Variants in UNC13C observed in about 807,000 individuals in gnomAD.
UNC13C encodes unc-13 homolog C, also known as protein unc-13 homolog C.
A neutral mutation model predicts 245.4 loss-of-function variants in UNC13C; 174 were observed. The ratio of observed to expected loss-of-function variants is 0.71; its 90% CI spans 0.63 to 0.80. The LOEUF is 0.80. UNC13C is among the 30% of genes least tolerant of loss of function. The pLI, the probability that UNC13C is intolerant of heterozygous loss-of-function variation, is 0.00. For missense variants in UNC13C, 2,829 were observed against 2,602.9 expected, an observed-to-expected ratio of 1.09 and a Z score of -1.89; for synonymous variants, 992 against 895.1, an observed-to-expected ratio of 1.11 and a Z score of -1.93.
chr15:54,247,812 G>A (rs1372715415), intron 7 of UNC13C, among the ~76,000 whole-genome samples: 2 of 151,082 alleles, frequency 1.3e-5, no homozygotes, highest in African/African-American at 4.9e-5. Context: ...CCCTTTACAT[G>A]AAATGAATTA....
rs143377672 is a variant in UNC13C at position 54,500,265 on chromosome 15, TATTA to T, written c.5157+94_5157+97del. 3.8e-3 allele frequency: 3,717 copies of T among 968,974 alleles called. 68 individuals are homozygous for T. The African/African-American group carries it at 0.05, about 13-fold the overall frequency. The allele number at this position is 968,974 out of a possible 1,614,324, so 60.0% of individuals were successfully genotyped here. A position where few individuals can be genotyped will look rare whatever the true frequency, so the allele number is the denominator to read the frequency against. On this transcript the variant is annotated intron_variant, in intron 21 of 32. Transcript: ENST00000260323. ...TAATGGGAATTATTAGACTCATTGT[TATTA>T]ATTGTTTCCATTCCCCAGTGACCAA...
chr15:53,875,018 G>C, the UNC13C span, among the ~76,000 whole-genome samples: 1 of 152,060 alleles, frequency 6.6e-6, no homozygotes, highest in South Asian at 2.1e-4. Context: ...GCATGAACCC[G>C]GGAGGTGGAG....
chr15:54,511,942 A>G (rs1894764933), intron 24 of UNC13C, 112 bp downstream of exon 24: 2 of 719,762 alleles, frequency 2.8e-6, no homozygotes, highest in South Asian at 3.3e-5. Context: ...AACTAAGAAC[A>G]GGAAATGATA....
At chr15:54,486,667 G>C (rs1893433357) in intron 19 of UNC13C, among the ~76,000 whole-genome samples, 1 of 152,102 alleles carries the variant, frequency 6.6e-6, no homozygotes, top group Admixed American at 6.5e-5. Context: ...TCAATGATTT[G>C]TCAATTAATG....
At chr15:54,024,865 A>T (rs1266713496) in intron 2 of UNC13C, among the ~76,000 whole-genome samples, 3 of 152,170 alleles carry the variant, frequency 2.0e-5, no homozygotes, top group Non-Finnish European at 4.4e-5. Context: ...CAGTGAGCCG[A>T]GATGGCACCA....
chr15:53,877,632 G>A, the UNC13C span, among the ~76,000 whole-genome samples: 1,038 of 152,092 alleles, frequency 6.8e-3, 9 homozygotes, highest in South Asian at 0.043. Flanking sequence ...GAAGAAACAC[G>A]AAGAGAGAAG....
chr15:54,157,985 A>C (rs569076285), intron 4 of UNC13C, among the ~76,000 whole-genome samples: 17 of 152,330 alleles, frequency 1.1e-4, no homozygotes, highest in African/African-American at 4.1e-4. Flanking sequence ...GAAAAATAGT[A>C]ATTGCCTACT....
the UNC13C span, among the ~76,000 whole-genome samples, chr15:53,900,512 G>A: frequency 1.3e-5 from 2 of 152,130 alleles, no homozygotes; most frequent in Admixed American, 6.5e-5. Flanking sequence ...GACAAATAGC[G>A]ACTGCTGTTT....
intron 4 of UNC13C, among the ~76,000 whole-genome samples, chr15:54,231,559 A>T (rs1175367610): frequency 1.3e-5 from 2 of 152,034 alleles, no homozygotes; most frequent in African/African-American, 4.8e-5. Context: ...CATAAGATTT[A>T]AAAAAATAAA....
At chr15:53,962,773 G>T in the UNC13C span, among the ~76,000 whole-genome samples, 71 of 152,288 alleles carry the variant, frequency 4.7e-4, 1 homozygote, top group African/African-American at 1.7e-3. Flanking sequence ...TTTTTCTTCA[G>T]ACATAAATAG....
chr15:54,152,917 G>A (rs373316811), intron 4 of UNC13C, among the ~76,000 whole-genome samples: 3 of 152,090 alleles, frequency 2.0e-5, no homozygotes, highest in African/African-American at 7.2e-5. Flanking sequence ...CATATATAGA[G>A]TATGTTTTTA....
chr15:54,129,213 G>T (rs1270133185), intron 2 of UNC13C, among the ~76,000 whole-genome samples: 1 of 152,124 alleles, frequency 6.6e-6, no homozygotes, highest in Non-Finnish European at 1.5e-5. Flanking sequence ...GTTAAAGCAC[G>T]GTTTTATCAC....
the UNC13C span, among the ~76,000 whole-genome samples, chr15:53,939,474 C>A: frequency 2.0e-5 from 3 of 152,258 alleles, no homozygotes; most frequent in Non-Finnish European, 4.4e-5. Flanking sequence ...GCACTCCTCC[C>A]TAACTCTTTC....
intron 17 of UNC13C, among the ~76,000 whole-genome samples, chr15:54,377,906 C>A (rs1274066326): frequency 6.6e-6 from 1 of 152,150 alleles, no homozygotes; most frequent in Admixed American, 6.5e-5. Flanking sequence ...TTATGGATTA[C>A]ATTTTCATAT....
chr15:54,293,814 A>G, intron 10 of UNC13C, 81 bp from the exon 11 acceptor site: 3 of 1,189,558 alleles, frequency 2.5e-6, no homozygotes, highest in Non-Finnish European at 3.4e-6. Context: ...TTTCTAGAAT[A>G]GATAGAAAAT....
intron 24 of UNC13C, among the ~76,000 whole-genome samples, chr15:54,522,893 C>A (rs1382770632): frequency 6.6e-6 from 1 of 152,032 alleles, no homozygotes; most frequent in African/African-American, 2.4e-5. Flanking sequence ...CGAAATTTTT[C>A]TGTTCTTTCC....
chr15:53,905,474 A>G, the UNC13C span, among the ~76,000 whole-genome samples: 2 of 151,886 alleles, frequency 1.3e-5, no homozygotes, highest in Non-Finnish European at 2.9e-5. Flanking sequence ...AATCCTGAAC[A>G]TGAATGAACC....
At chr15:54,569,889 G>C (rs974971765) in intron 30 of UNC13C, among the ~76,000 whole-genome samples, 3 of 151,722 alleles carry the variant, frequency 2.0e-5, no homozygotes, top group Admixed American at 6.6e-5. Flanking sequence ...TATGCCTTGT[G>C]GAAACTTATT....
chr15:54,170,662 C>A (rs546493687), intron 4 of UNC13C, among the ~76,000 whole-genome samples: 3 of 152,068 alleles, frequency 2.0e-5, no homozygotes, highest in Admixed American at 2.0e-4. Flanking sequence ...ACATCCTGTA[C>A]TTTAAGCTAT....
Sources: allele counts gnomAD v4.1 joint callset (sites outside exome capture counted in the v4.1 genomes callset), GRCh38; gene constraint gnomAD v4.1.1; transcripts MANE v1.5; gene names NCBI Gene and HGNC (gene_info 2026-07-23, HGNC 2026-07-21).